SH3GLB1: variants seen among roughly 807,000 people sequenced by gnomAD.
The protein encoded by SH3GLB1 is SH3 domain containing GRB2 like, endophilin B1, also known as endophilin-B1.
A neutral mutation model predicts 42.0 loss-of-function variants in SH3GLB1; 17 were observed. That is an observed-to-expected ratio of 0.40 (90% CI 0.28 to 0.61). SH3GLB1 has a LOEUF of 0.61. Among genes scored for constraint, SH3GLB1 ranks in the 20% least tolerant of loss-of-function variants. The pLI is 0.36. For synonymous variants in SH3GLB1, 132 were observed against 146.6 expected (o/e 0.90, Z 0.72); for missense variants, 355 against 426.3 (o/e 0.83, Z 1.47).
chr1:86,747,087 T>G lies in SH3GLB1; in HGVS notation c.*3852T>G, dbSNP rs933993218. ...AATATTTTAAGACAAAAACTGAGTC[T>G]TCTAATCTTAATTGTGTTCTAGCAG... On this transcript the variant is annotated 3_prime_UTR_variant, in exon 9 of 9. Transcript: ENST00000370558. 3 of 152,646 alleles carry G rather than the reference T, an allele frequency of 2.0e-5. No homozygotes were observed. The highest frequency in any genetic ancestry group is 7.2e-5 in the African/African-American group (3 of 41,454). The allele number at this position is 152,646 out of a possible 1,614,324, so 9.5% of individuals were successfully genotyped here. A position where few individuals can be genotyped will look rare whatever the true frequency, so the allele number is the denominator to read the frequency against.
At chr1:86,722,718 A>G in intron 4 of SH3GLB1, 45 bp downstream of exon 4, 1 of 1,482,948 alleles carries the variant, frequency 6.7e-7, no homozygotes, top group Non-Finnish European at 9.1e-7. Flanking sequence ...TCATTTAGAT[A>G]TATATACTTT....
At chr1:86,738,165 G>T (rs1475844197) in intron 7 of SH3GLB1, among the ~76,000 whole-genome samples, 1 of 152,186 alleles carries the variant, frequency 6.6e-6, no homozygotes, top group Non-Finnish European at 1.5e-5. Flanking sequence ...TCAGAAGATG[G>T]CAGTGGCTTG....
intron 5 of SH3GLB1, among the ~76,000 whole-genome samples, chr1:86,733,126 C>T (rs1181484678): frequency 1.3e-5 from 2 of 152,108 alleles, no homozygotes; most frequent in African/African-American, 4.8e-5. Context: ...TACTTCATAC[C>T]AGCTTCCAGA....
intron 5 of SH3GLB1, 198 bp from the exon 6 acceptor site, chr1:86,734,404 C>T (rs1472457095): frequency 2.0e-6 from 1 of 503,142 alleles, no homozygotes; most frequent in African/African-American, 1.9e-5. Context: ...GTACTGGAAT[C>T]AGTTGTCCAG....
chr1:86,712,539 C>T (rs901905834), intron 1 of SH3GLB1, among the ~76,000 whole-genome samples: 3 of 152,054 alleles, frequency 2.0e-5, no homozygotes, highest in Non-Finnish European at 4.4e-5. Context: ...AAGATTCTTT[C>T]GAGTATTTGT....
intron 8 of SH3GLB1, among the ~76,000 whole-genome samples, chr1:86,742,871 G>A (rs1656123940): frequency 6.6e-6 from 1 of 152,128 alleles, no homozygotes; most frequent in South Asian, 2.1e-4. Context: ...TAAGGTGGGA[G>A]GATCGTTTGA....
At chr1:86,734,847 T>G (rs1369241452) in intron 6 of SH3GLB1, among the ~76,000 whole-genome samples, 156 bp downstream of exon 6, 1 of 152,172 alleles carries the variant, frequency 6.6e-6, no homozygotes. Flanking sequence ...AATTGTTGTT[T>G]ACATCTTATC....
chr1:86,719,973 G>C (rs930529387), intron 3 of SH3GLB1, among the ~76,000 whole-genome samples: 1 of 128,850 alleles, frequency 7.8e-6, no homozygotes, highest in African/African-American at 3.3e-5. Flanking sequence ...TCCAGCCTGG[G>C]CCACAGAACG....
intron 2 of SH3GLB1, among the ~76,000 whole-genome samples, chr1:86,718,928 A>G (rs1324895655): frequency 6.6e-6 from 1 of 152,232 alleles, no homozygotes; most frequent in East Asian, 1.9e-4. Flanking sequence ...CTTTAAACAT[A>G]AACTAAAGCC....
intron 7 of SH3GLB1, among the ~76,000 whole-genome samples, chr1:86,737,645 T>C (rs1453389172): frequency 6.6e-6 from 1 of 152,166 alleles, no homozygotes; most frequent in East Asian, 1.9e-4. Context: ...GTGGGGGATA[T>C]AGTATATAAA....
chr1:86,745,885 G>A lies in SH3GLB1; in HGVS notation c.*2650G>A, dbSNP rs1656276592. 6.6e-6 allele frequency: 1 copy of A among 152,550 alleles called. No homozygotes were observed. Among genetic ancestry groups the A allele is most frequent in the African/African-American group, 2.4e-5 (1 of 41,418 alleles). The allele number at this position is 152,550 out of a possible 1,614,324, so 9.4% of individuals were successfully genotyped here. On this transcript the variant is annotated 3_prime_UTR_variant, in exon 9 of 9. Transcript: ENST00000370558. ...CCACTGAGCTTAATCTGAAAGTATA[G>A]TGACATGTGAAGGATGCACATATGA...
At chr1:86,728,614 GA>G (rs1258814848) in intron 5 of SH3GLB1, 11 of 513,768 alleles carry the variant, frequency 2.1e-5, no homozygotes, top group African/African-American at 4.0e-5. Flanking sequence ...AAAATATAAG[GA>G]AAAAATACTA....
At chr1:86,728,357 T>C in intron 5 of SH3GLB1, 1 of 922,238 alleles carries the variant, frequency 1.1e-6, no homozygotes, top group Non-Finnish European at 1.6e-6. Context: ...TGTTTCACTG[T>C]GTTCATTGGT....
intron 5 of SH3GLB1, among the ~76,000 whole-genome samples, chr1:86,733,890 T>C (rs1558329212): frequency 2.0e-5 from 3 of 152,180 alleles, no homozygotes. Flanking sequence ...TTTTTTTATT[T>C]CTTGGGGAAG....
At chr1:86,724,892 A>AAAAAATATATATATATATATATATAT (rs1291454820) in intron 5 of SH3GLB1, among the ~76,000 whole-genome samples, 5 of 99,674 alleles carry the variant, frequency 5.0e-5, no homozygotes, top group Admixed American at 2.1e-4. Flanking sequence ...AAAAAAAAAA[A>AAAAAATATATATATATATATATATAT]ATATATATAT....
intron 3 of SH3GLB1, among the ~76,000 whole-genome samples, chr1:86,721,644 A>G (rs1285899503): frequency 6.6e-6 from 1 of 152,178 alleles, no homozygotes; most frequent in Non-Finnish European, 1.5e-5. Context: ...TGGATTTTTT[A>G]ACTTAAGATA....
At chr1:86,720,685 T>C (rs539750642) in intron 3 of SH3GLB1, among the ~76,000 whole-genome samples, 16 of 152,342 alleles carry the variant, frequency 1.1e-4, no homozygotes, top group African/African-American at 3.6e-4. Context: ...GTAGGTAGAT[T>C]AAATTAATTT....
In SH3GLB1 at chr1:86,704,887, G is replaced by A. The variant is rs768756598; in HGVS notation, c.-13G>A. On this transcript the variant is annotated 5_prime_UTR_variant, in exon 1 of 9. Transcript: ENST00000370558. Reference sequence around the variant, plus strand: ...CCGCTAGGTCGGCCGGCTCCGCCCGGCTGCCGCCTAGGATGAATATCATGG... The same window carrying A: ...CCGCTAGGTCGGCCGGCTCCGCCCGACTGCCGCCTAGGATGAATATCATGG... 6.4e-6 allele frequency: 10 copies of A among 1,560,894 alleles called. No homozygotes were observed. Among genetic ancestry groups the A allele is most frequent in the Admixed American group, 1.9e-5 (1 of 53,670 alleles).
rs1310923398 is a variant in SH3GLB1 at position 86,716,171 on chromosome 1, G to A, written c.214+306G>A. On this transcript the variant is annotated intron_variant, in intron 2 of 8. Transcript: ENST00000370558. ...AAATATGTTTTCCTTTTTCATCTAG[G>A]GAAGAATTGTCCCTAGATAATTAAG... is the stretch of plus-strand genomic sequence containing the variant. Among the ~76,000 whole-genome samples the A allele has an allele frequency of 2.0e-5, 3 of 152,116 alleles. No individual in the cohort carries two copies. In the East Asian group the frequency reaches 5.8e-4, roughly 29 times the overall value.
Sources: allele counts gnomAD v4.1 joint callset (sites outside exome capture counted in the v4.1 genomes callset), GRCh38; gene constraint gnomAD v4.1.1; transcripts MANE v1.5; gene names NCBI Gene and HGNC (gene_info 2026-07-23, HGNC 2026-07-21).